The following NMB variants were observed in gnomAD, a reference collection of about 807,000 sequenced individuals.
NMB encodes the protein neuromedin B.
In NMB, 12 loss-of-function variants were observed where a neutral mutation model predicts 11.7. The ratio of observed to expected loss-of-function variants is 1.03; its 90% CI spans 0.66 to 1.66. The LOEUF (loss-of-function observed/expected upper bound fraction) is 1.66, where lower values mean the gene tolerates loss of function less well. Ranked by LOEUF, NMB falls within the 40% of genes most tolerant of loss-of-function variation. NMB has a pLI of 0.00. For missense variants in NMB, 174 were observed against 157.9 expected (o/e 1.10, Z -0.55); for synonymous variants, 76 against 72.6 (o/e 1.05, Z -0.24).
At position 84,657,397 on chromosome 15, in the gene NMB, A is replaced by C. The variant is rs779401130; in HGVS notation, c.158-49T>G. On this transcript the variant is annotated intron_variant, in intron 1 of 2. Transcript: ENST00000360476. Reference sequence around the variant, plus strand: ...AAGGAAGTCAAGCAGCCAGGATCCTACCTCAGAGGAAAAGTTCCTCATCTC... The same window carrying C: ...AAGGAAGTCAAGCAGCCAGGATCCTCCCTCAGAGGAAAAGTTCCTCATCTC... The C allele has an allele frequency of 2.1e-6, 3 of 1,410,992 alleles. No homozygotes were observed. In the African/African-American group the frequency reaches 4.5e-5, roughly 21 times the overall value. The allele number at this position is 1,410,992 out of a possible 1,614,324, so 87.4% of individuals were successfully genotyped here.
chr15:84,656,510 G>C (rs1044659050), intron 2 of NMB, among the ~76,000 whole-genome samples: 1 of 149,768 alleles, frequency 6.7e-6, no homozygotes, highest in African/African-American at 2.5e-5. Flanking sequence ...AACTTGATGG[G>C]GGGGAAAGAT....
At chr15:84,657,081 C>T (rs957873657) in intron 2 of NMB, 95 bp downstream of exon 2, 3 of 1,204,040 alleles carry the variant, frequency 2.5e-6, no homozygotes, top group Non-Finnish European at 3.4e-6. Flanking sequence ...GACAGTCACA[C>T]CCTAATACAG....
chr15:84,656,313 A>G (rs1159193565), intron 2 of NMB, among the ~76,000 whole-genome samples: 2 of 152,060 alleles, frequency 1.3e-5, no homozygotes, highest in Non-Finnish European at 2.9e-5. Flanking sequence ...GGTGGTGTGC[A>G]GTAAGGACAG....
At chr15:84,657,060 T>C (rs1596060316) in intron 2 of NMB, 116 bp downstream of exon 2, 1 of 937,492 alleles carries the variant, frequency 1.1e-6, no homozygotes, top group South Asian at 1.9e-5. Flanking sequence ...ACACCCATAA[T>C]GTCCTAGTCA....
chr15:84,658,047 T>A lies in NMB; in HGVS notation c.106A>T (p.Ser36Cys). The A allele has an allele frequency of 6.3e-7, 1 of 1,595,252 alleles. No homozygotes were observed. The highest frequency in any genetic ancestry group is 8.5e-7 in the Non-Finnish European group (1 of 1,172,752). The change falls in exon 1 of 3, where the codon AGC (serine) becomes TGC (cysteine). Residue 36 changes from serine (S) to cysteine (C), a missense_variant. Ser to Cys is a moderately radical substitution (Grantham distance 112, BLOSUM62 -1). Around this residue, in one of 2 missense-constraint regions of NMB, gnomAD observed 168 missense variants for 138.4 expected, o/e 1.21. Coordinates refer to ENST00000360476, the MANE Select transcript of NMB (RefSeq NM_021077.4). ...PLSWDLPEPRSRASKIRVHSR... is the reference protein window; with the variant it reads ...PLSWDLPEPRCRASKIRVHSR... Reference sequence around the variant, plus strand: ...TGCACTCGGATCTTGCTGGCTCGGCTGCGGGGCTCCGGGAGATCCCAGCTG... The same window carrying A: ...TGCACTCGGATCTTGCTGGCTCGGCAGCGGGGCTCCGGGAGATCCCAGCTG...
intron 1 of NMB, 56 bp from the exon 2 acceptor site, chr15:84,657,404 A>T: frequency 2.1e-6 from 3 of 1,397,168 alleles, no homozygotes; most frequent in Non-Finnish European, 2.8e-6. Context: ...CCTACCTCAG[A>T]GGAAAAGTTC....
rs1896756675 is a variant in NMB at position 84,655,184 on chromosome 15, A to T, written c.*190T>A. On this transcript the variant is annotated 3_prime_UTR_variant, in exon 3 of 3. Coordinates refer to ENST00000360476, the MANE Select transcript of NMB (RefSeq NM_021077.4). ...AATTCAACAGGGAAGCAGGAAATAC[A>T]GCAGGAACATAATCTGTGTCTGCAT... 7.0e-7 allele frequency: 1 copy of T among 1,422,710 alleles called. No individual in the cohort carries two copies. Among genetic ancestry groups the T allele is most frequent in the South Asian group, 1.4e-5 (1 of 73,790 alleles). 88.1% of individuals were successfully genotyped at this position (1,422,710 alleles called of 1,614,324 possible). A position where few individuals can be genotyped will look rare whatever the true frequency, so the allele number is the denominator to read the frequency against.
In NMB at chr15:84,657,354, A is replaced by G; in HGVS notation, c.158-6T>C. ...CTTCTTGCCCATGAAGTGACCTGGA[A>G]AGGAGGTGTCCAGGCACAAGGAAGT... On this transcript the variant is annotated splice_region_variant and splice_polypyrimidine_tract_variant and intron_variant, in intron 1 of 2. Transcript: ENST00000360476. 6.7e-7 allele frequency: 1 copy of G among 1,491,430 alleles called. No individual in the cohort carries two copies. The highest frequency in any genetic ancestry group is 8.9e-7 in the Non-Finnish European group (1 of 1,119,484). 92.4% of individuals were successfully genotyped at this position (1,491,430 alleles called of 1,614,324 possible).
rs777823059 is a variant in NMB, at chr15:84,657,251, A to T, written c.255T>A (p.Ser85Arg). The T allele has an allele frequency of 6.2e-7, 1 of 1,609,716 alleles. No homozygotes were observed. Among genetic ancestry groups the T allele is most frequent in the African/African-American group, 1.3e-5 (1 of 74,726 alleles). The change falls in exon 2 of 3, where the codon AGT becomes AGA. Residue 85 changes from serine to arginine, a missense_variant. By Grantham distance (110) the Ser-to-Arg change is moderately radical. This residue lies in a region of NMB where 168 missense variants were observed against 138.4 expected (regional missense o/e 1.21). Coordinates refer to ENST00000360476, the MANE Select transcript of NMB (RefSeq NM_021077.4). ...TSLRDQRLQL[S>R]HDLLGILLLK... Reference sequence around the variant, plus strand: ...GCAGGAGGATTCCGAGCAGATCATGACTCAGCTGCAGTCGCTGGTCCCTCA... The same window carrying T: ...GCAGGAGGATTCCGAGCAGATCATGTCTCAGCTGCAGTCGCTGGTCCCTCA...
At position 84,658,186 on chromosome 15, in the gene NMB, G is replaced by A; in HGVS notation, c.-34C>T. The A allele has an allele frequency of 7.0e-7, 1 of 1,423,826 alleles. No homozygotes were observed. Among genetic ancestry groups the A allele is most frequent in the Non-Finnish European group, 9.1e-7 (1 of 1,103,258 alleles). 88.2% of individuals were successfully genotyped at this position (1,423,826 alleles called of 1,614,324 possible). A position where few individuals can be genotyped will look rare whatever the true frequency, so the allele number is the denominator to read the frequency against. On this transcript the variant is annotated 5_prime_UTR_variant, in exon 1 of 3. Transcript: ENST00000360476. ...CCGGGCCGCGGCTTCGTTCGGGCGC[G>A]CTTCCCGGCCGCTGGGCTCCGGGGC... is the stretch of plus-strand genomic sequence containing the variant.
chr15:84,655,474 G>A, intron 2 of NMB, 65 bp from the exon 3 acceptor site: 1 of 1,601,532 alleles, frequency 6.2e-7, no homozygotes, highest in Non-Finnish European at 8.5e-7. Context: ...GGGGCATCCT[G>A]CCATTCCTAA....
chr15:84,657,189 GC>G lies in NMB; in HGVS notation c.316del (p.Ala106HisfsTer49). On this transcript the variant is annotated frameshift_variant, in exon 2 of 3. Transcript: ENST00000360476. LOFTEE classifies it high-confidence loss of function. ...GGCCCGGCTCACCTGGATTTGGGGT[GC>G]GGGGCGGCTGAGGCTCACGCCCAGA... ...KALGVSLSRP[A>X]PQIQYRRLLV... The G allele has an allele frequency of 1.9e-6, 3 of 1,611,394 alleles. No homozygotes were observed. Among genetic ancestry groups the G allele is most frequent in the Non-Finnish European group, 2.5e-6 (3 of 1,179,334 alleles).
chr15:84,657,203 G>T lies in NMB; in HGVS notation c.303C>A (p.Ser101Arg). 1.2e-6 allele frequency: 2 copies of T among 1,612,242 alleles called. No homozygotes were observed. The highest frequency in any genetic ancestry group is 8.5e-7 in the Non-Finnish European group (1 of 1,179,454). The change falls in exon 2 of 3, where the codon AGC becomes AGA. Residue 101 changes from serine to arginine, a missense_variant. Physicochemically the swap from Ser to Arg is moderately radical, Grantham distance 110. This residue lies in a region of NMB where 168 missense variants were observed against 138.4 expected (regional missense o/e 1.21). Coordinates refer to ENST00000360476, the MANE Select transcript of NMB (RefSeq NM_021077.4). ...GGATTTGGGGTGCGGGGCGGCTGAG[G>T]CTCACGCCCAGAGCCTTCTTTAGCA... Reference protein sequence around the residue: ...ILLLKKALGVSLSRPAPQIQY... With the variant: ...ILLLKKALGVRLSRPAPQIQY...
chr15:84,657,324 A>G lies in NMB; in HGVS notation c.182T>C (p.Leu61Pro). 1 of 1,561,520 alleles carries G rather than the reference A, an allele frequency of 6.4e-7. No individual in the cohort carries two copies. The highest frequency in any genetic ancestry group is 2.4e-5 in the East Asian group (1 of 42,124). Residue 61 changes from leucine (L) to proline (P), a missense_variant, in exon 2 of 3, where the codon CTG becomes CCG. Leu to Pro is a moderately conservative substitution (Grantham distance 98). Around this residue, in one of 2 missense-constraint regions of NMB, gnomAD observed 168 missense variants for 138.4 expected, o/e 1.21. Coordinates refer to ENST00000360476, the MANE Select transcript of NMB (RefSeq NM_021077.4). ...CAATGGGGATGGGCTGGAAGGCTCC[A>G]GACTCTTCTTGCCCATGAAGTGACC... Reference protein sequence around the residue: ...ATGHFMGKKSLEPSSPSPLGT... With the variant: ...ATGHFMGKKSPEPSSPSPLGT...
In NMB at chr15:84,657,288, G is replaced by A. The variant is rs769204370; in HGVS notation, c.218C>T (p.Pro73Leu). The A allele has an allele frequency of 6.2e-7, 1 of 1,601,592 alleles. No individual in the cohort carries two copies. The highest frequency in any genetic ancestry group is 1.7e-4 in the Middle Eastern group (1 of 6,038). Residue 73 changes from proline (P) to leucine (L), a missense_variant, in exon 2 of 3, where the codon CCC becomes CTC. Coordinates refer to ENST00000360476, the MANE Select transcript of NMB (RefSeq NM_021077.4). ...PSSPSPLGTAPHTSLRDQRLQ... is the reference protein window; with the variant it reads ...PSSPSPLGTALHTSLRDQRLQ... ...TCGCTGGTCCCTCAGGGAGGTGTGGGGAGCTGTCCCCAATGGGGATGGGCT... is the reference window on the plus strand; with the variant it reads ...TCGCTGGTCCCTCAGGGAGGTGTGGAGAGCTGTCCCCAATGGGGATGGGCT...
intron 2 of NMB, 150 bp downstream of exon 2, chr15:84,657,026 T>C (rs1896791002): frequency 5.9e-6 from 4 of 683,614 alleles, no homozygotes; most frequent in South Asian, 5.0e-5. Context: ...GGGAAAAGCC[T>C]GGAAACCTGG....
In NMB at chr15:84,658,196, C is replaced by T. The variant is rs1410886820; in HGVS notation, c.-44G>A. The T allele has an allele frequency of 1.4e-6, 2 of 1,413,694 alleles. No individual in the cohort carries two copies. Among genetic ancestry groups the T allele is most frequent in the South Asian group, 3.0e-5 (2 of 66,314 alleles). 87.6% of individuals were successfully genotyped at this position (1,413,694 alleles called of 1,614,324 possible). On this transcript the variant is annotated 5_prime_UTR_variant, in exon 1 of 3. Transcript: ENST00000360476. ...GCTTCGTTCGGGCGCGCTTCCCGGC[C>T]GCTGGGCTCCGGGGCTGCCTTCGAT...
chr15:84,657,088 A>C, intron 2 of NMB, 88 bp downstream of exon 2: 4 of 1,227,406 alleles, frequency 3.3e-6, no homozygotes, highest in Non-Finnish European at 4.5e-6. Context: ...ACACCCTAAT[A>C]CAGTACTGGG....
chr15:84,656,167 C>T (rs1014951116), intron 2 of NMB, among the ~76,000 whole-genome samples: 1 of 152,068 alleles, frequency 6.6e-6, no homozygotes, highest in African/African-American at 2.4e-5. Flanking sequence ...AATATTGAGG[C>T]TTTAGAGAAG....
Sources: gnomAD v4.1 joint callset for allele counts (sites outside exome capture counted in the v4.1 genomes callset) on GRCh38, gnomAD v4.1.1 for gene constraint, gnomAD v4.1.1 regional missense constraint, MANE v1.5 for transcripts, NCBI Gene and HGNC (gene_info 2026-07-23, HGNC 2026-07-21) for gene names.